The following CNTN5 variants were observed in gnomAD, a reference collection of about 807,000 sequenced individuals.
CNTN5 encodes contactin 5.
Under a neutral mutation model 129.1 loss-of-function variants are expected in CNTN5, and 77 were observed. The observed-to-expected ratio is 0.60, with a 90% CI of 0.50 to 0.72. The LOEUF (loss-of-function observed/expected upper bound fraction) is 0.72, where lower values mean the gene tolerates loss of function less well. CNTN5 is among the 30% of genes least tolerant of loss of function. CNTN5 has a pLI of 0.00. For synonymous variants in CNTN5, 509 were observed against 465.6 expected (o/e 1.09, Z -1.20); for missense variants, 1,478 against 1,328.8 (o/e 1.11, Z -1.75).
chr11:99,122,562 G>A (rs1858398453), intron 1 of CNTN5, among the ~76,000 whole-genome samples: 1 of 151,814 alleles, frequency 6.6e-6, no homozygotes, highest in South Asian at 2.1e-4. Flanking sequence ...TTAACTTTTA[G>A]GTTTAGGGGT....
intron 1 of CNTN5, among the ~76,000 whole-genome samples, chr11:99,309,699 T>C (rs1447170527): frequency 6.6e-6 from 1 of 152,194 alleles, no homozygotes; most frequent in East Asian, 1.9e-4. Context: ...CCCAGAATAA[T>C]ATCCCAAGAC....
intron 3 of CNTN5, among the ~76,000 whole-genome samples, chr11:99,625,937 C>G (rs1287941120): frequency 1.3e-5 from 2 of 150,708 alleles, no homozygotes; most frequent in Non-Finnish European, 2.9e-5. Flanking sequence ...CACACACACA[C>G]ACACACATAA....
intron 13 of CNTN5, among the ~76,000 whole-genome samples, chr11:100,092,966 G>A (rs1389194063): frequency 6.6e-6 from 1 of 152,038 alleles, no homozygotes; most frequent in Non-Finnish European, 1.5e-5. Context: ...TACTCGCCCT[G>A]GTTTTGGAGA....
chr11:100,239,901 C>G (rs921924337), intron 16 of CNTN5, among the ~76,000 whole-genome samples: 4 of 152,100 alleles, frequency 2.6e-5, no homozygotes, highest in Admixed American at 2.6e-4. Flanking sequence ...ATAAAACAAG[C>G]CTGCTTGAAT....
chr11:100,129,849 G>A, intron 13 of CNTN5, among the ~76,000 whole-genome samples: 1 of 151,930 alleles, frequency 6.6e-6, no homozygotes, highest in Admixed American at 6.6e-5. Context: ...TTGTGTGTGT[G>A]TGTGTGTTGT....
chr11:99,336,600 G>A (rs1449283897), intron 2 of CNTN5, among the ~76,000 whole-genome samples: 2 of 152,060 alleles, frequency 1.3e-5, no homozygotes, highest in Non-Finnish European at 2.9e-5. Flanking sequence ...AGCATTTTGG[G>A]AGGCTGAGGT....
At chr11:99,071,271 T>TTTTTG (rs1304909007) in intron 1 of CNTN5, among the ~76,000 whole-genome samples, 2 of 152,152 alleles carry the variant, frequency 1.3e-5, no homozygotes, top group African/African-American at 4.8e-5. Flanking sequence ...ACAGAGGTTT[T>TTTTTG]TTTTGTTTTG....
chr11:100,070,025 A>T (rs1057048967), intron 10 of CNTN5, among the ~76,000 whole-genome samples: 6 of 152,102 alleles, frequency 3.9e-5, no homozygotes, highest in Non-Finnish European at 8.8e-5. Flanking sequence ...AGAGAGATAG[A>T]AACAAGTTGA....
At chr11:99,914,589 A>G (rs1454117448) in intron 6 of CNTN5, among the ~76,000 whole-genome samples, 1 of 152,150 alleles carries the variant, frequency 6.6e-6, no homozygotes, top group African/African-American at 2.4e-5. Flanking sequence ...AAGTTAGTGT[A>G]TATATTTTTA....
intron 3 of CNTN5, among the ~76,000 whole-genome samples, chr11:99,749,759 C>A (rs1944170369): frequency 6.6e-6 from 1 of 152,176 alleles, no homozygotes; most frequent in Non-Finnish European, 1.5e-5. Flanking sequence ...TAGCACAACT[C>A]TTAAAGCAAG....
chr11:99,400,801 A>G (rs1463451696), intron 2 of CNTN5, among the ~76,000 whole-genome samples: 1 of 152,084 alleles, frequency 6.6e-6, no homozygotes, highest in East Asian at 1.9e-4. Flanking sequence ...ATCTGATTGT[A>G]GTTTGATTTG....
intron 7 of CNTN5, among the ~76,000 whole-genome samples, chr11:99,941,222 C>T (rs1950427838): frequency 6.6e-6 from 1 of 152,038 alleles, no homozygotes; most frequent in African/African-American, 2.4e-5. Flanking sequence ...CTTATCTCAA[C>T]ATATCTACCT....
chr11:99,408,490 G>GAAAGAAAGAAAGAAAGAAAGAAAGAA, intron 2 of CNTN5, among the ~76,000 whole-genome samples: 2 of 146,580 alleles, frequency 1.4e-5, no homozygotes, highest in South Asian at 4.5e-4. Flanking sequence ...AAGAAAGAAA[G>GAAAGAAAGAAAGAAAGAAAGAAAGAA]AAAGAAAGAA....
intron 3 of CNTN5, among the ~76,000 whole-genome samples, chr11:99,692,795 A>T (rs1954094753): frequency 6.6e-6 from 1 of 152,162 alleles, no homozygotes; most frequent in South Asian, 2.1e-4. Context: ...CTTTAATCTG[A>T]TATGACACCA....
intron 7 of CNTN5, among the ~76,000 whole-genome samples, chr11:99,956,589 C>T (rs533179262): frequency 2.6e-5 from 4 of 152,222 alleles, no homozygotes; most frequent in Admixed American, 6.5e-5. Flanking sequence ...AATAAATAAA[C>T]GAGTCAAGGT....
At chr11:99,163,934 C>A (rs1019055575) in intron 1 of CNTN5, among the ~76,000 whole-genome samples, 3 of 152,096 alleles carry the variant, frequency 2.0e-5, no homozygotes, top group Non-Finnish European at 2.9e-5. Flanking sequence ...TGTCTTGTTG[C>A]AAATTTATTG....
At chr11:99,429,330 C>G (rs910228501) in intron 2 of CNTN5, among the ~76,000 whole-genome samples, 3 of 152,028 alleles carry the variant, frequency 2.0e-5, no homozygotes, top group African/African-American at 4.8e-5. Context: ...CAGGTATAGA[C>G]ACATAGACAG....
intron 1 of CNTN5, among the ~76,000 whole-genome samples, chr11:99,275,325 A>T (rs11606691): frequency 0.091 from 13,815 of 151,562 alleles, 702 homozygotes; most frequent in South Asian, 0.13. Context: ...GTTAAAACAC[A>T]GAAAAATGTA....
chr11:99,042,374 T>C (rs1191742661), intron 1 of CNTN5, among the ~76,000 whole-genome samples: 3 of 131,802 alleles, frequency 2.3e-5, no homozygotes, highest in African/African-American at 8.6e-5. Context: ...TCTTTTTTTT[T>C]TTTTTTTTTT....
Sources: gnomAD v4.1 joint callset for allele counts (sites outside exome capture counted in the v4.1 genomes callset) on GRCh38, gnomAD v4.1.1 for gene constraint, MANE v1.5 for transcripts, NCBI Gene and HGNC (gene_info 2026-07-23, HGNC 2026-07-21) for gene names.